The following TMOD3 variants were observed in gnomAD, a reference collection of about 807,000 sequenced individuals.
TMOD3 encodes the protein tropomodulin 3, also known as tropomodulin-3.
TMOD3 carries 20 observed loss-of-function variants against 39.2 expected under a neutral mutation model. That is an observed-to-expected ratio of 0.51 (90% confidence interval 0.36 to 0.74). The LOEUF (loss-of-function observed/expected upper bound fraction) is 0.74. Among genes scored for constraint, TMOD3 ranks in the 30% least tolerant of loss-of-function variants. TMOD3 has a pLI of 0.00. For missense variants in TMOD3, 381 were observed against 412.8 expected, an observed-to-expected ratio of 0.92 and a Z score of 0.67; for synonymous variants, 143 against 145.8, an observed-to-expected ratio of 0.98 and a Z score of 0.14.
Position 51,915,394 on chromosome 15 carries a change from G to A in TMOD3, c.*6584G>A, listed in dbSNP as rs955492776. On this transcript the variant is annotated 3_prime_UTR_variant, in exon 10 of 10. Coordinates refer to ENST00000308580, the MANE Select transcript of TMOD3 (RefSeq NM_014547.5). ...ATGTCTTTTTTTCAGTTTTTTGGAT[G>A]AATTATTATATTTGGTTTTAGTTAC... The A allele has an allele frequency of 3.3e-5, 5 of 151,808 alleles. No individual in the cohort carries two copies. The highest frequency in any genetic ancestry group is 1.2e-4 in the African/African-American group (5 of 41,296). 9.4% of individuals were successfully genotyped at this position (151,808 alleles called of 1,614,324 possible).
chr15:51,897,597 GCCTCAGCCT>G (rs1334991657), intron 7 of TMOD3, among the ~76,000 whole-genome samples: 1 of 146,050 alleles, frequency 6.8e-6, no homozygotes, highest in African/African-American at 2.5e-5. Flanking sequence ...CGATTCTCCT[GCCTCAGCCT>G]CCTGAGTAGC....
At chr15:51,883,644 C>T (rs919925645) in intron 3 of TMOD3, among the ~76,000 whole-genome samples, 1 of 152,078 alleles carries the variant, frequency 6.6e-6, no homozygotes, top group Non-Finnish European at 1.5e-5. Context: ...TGCTGTCAAC[C>T]TTGGCTGCTA....
intron 3 of TMOD3, among the ~76,000 whole-genome samples, chr15:51,881,496 A>T (rs907030141): frequency 8.1e-5 from 12 of 148,694 alleles, no homozygotes; most frequent in Non-Finnish European, 1.8e-4. Context: ...TTGGTGGCAT[A>T]TCTAAAAACC....
intron 1 of TMOD3, chr15:51,858,422 T>C (rs2043532617): frequency 8.0e-6 from 1 of 125,210 alleles, no homozygotes; most frequent in Non-Finnish European, 1.8e-5. Flanking sequence ...ATGATAATAA[T>C]TTGCTAAAAA....
intron 1 of TMOD3, among the ~76,000 whole-genome samples, chr15:51,830,458 G>A (rs2056249063): frequency 6.6e-6 from 1 of 152,200 alleles, no homozygotes. Flanking sequence ...GGGGGATGGT[G>A]TGTTTCCTCC....
intron 6 of TMOD3, among the ~76,000 whole-genome samples, 163 bp from the exon 7 acceptor site, chr15:51,896,256 T>C (rs919186942): frequency 6.6e-6 from 1 of 152,226 alleles, no homozygotes; most frequent in Non-Finnish European, 1.5e-5. Flanking sequence ...CAGATAATTA[T>C]GGAGGAAGCT....
chr15:51,904,628 C>T (rs528093019), intron 9 of TMOD3, among the ~76,000 whole-genome samples: 9 of 152,276 alleles, frequency 5.9e-5, no homozygotes, highest in Non-Finnish European at 8.8e-5. Flanking sequence ...TGTCTATAAA[C>T]GTCACGGCAG....
chr15:51,869,290 A>G lies in TMOD3; in HGVS notation c.200A>G (p.Glu67Gly), dbSNP rs147854683. The change falls in exon 3 of 10, where the codon GAG becomes GGG. Residue 67 changes from glutamate to glycine, a missense_variant. Coordinates refer to ENST00000308580, the MANE Select transcript of TMOD3 (RefSeq NM_014547.5). ...TCCACCACAGGGCCATTTGATAGAGAGCATCTCCTTTCATATCTGGAGAAA... is the reference window on the plus strand; with the variant it reads ...TCCACCACAGGGCCATTTGATAGAGGGCATCTCCTTTCATATCTGGAGAAA... ...SKSTTGPFDR[E>G]HLLSYLEKEA... 153 of 1,614,200 alleles carry G rather than the reference A, an allele frequency of 9.5e-5. No homozygotes were observed. The African/African-American group carries it at 1.9e-3, about 20-fold the overall frequency.
intron 3 of TMOD3, among the ~76,000 whole-genome samples, chr15:51,875,572 A>T (rs572084671): frequency 1.3e-5 from 2 of 149,978 alleles, no homozygotes; most frequent in Non-Finnish European, 3.0e-5. Context: ...CCTTTCCTCC[A>T]GCATTTCTCC....
At chr15:51,881,470 T>C (rs558629394) in intron 3 of TMOD3, among the ~76,000 whole-genome samples, 26 of 152,120 alleles carry the variant, frequency 1.7e-4, no homozygotes, top group Non-Finnish European at 3.7e-4. Flanking sequence ...CTGTGTTTCT[T>C]TTGTTACTTA....
intron 1 of TMOD3, among the ~76,000 whole-genome samples, chr15:51,831,341 CT>C (rs969474281): frequency 6.6e-6 from 1 of 152,136 alleles, no homozygotes; most frequent in Non-Finnish European, 1.5e-5. Flanking sequence ...TTTTTCGTGT[CT>C]TAATTACTGG....
At chr15:51,860,219 T>C (rs2056410163) in intron 1 of TMOD3, 1 of 489,684 alleles carries the variant, frequency 2.0e-6, no homozygotes, top group Non-Finnish European at 4.0e-6. Flanking sequence ...AAATTTCTAT[T>C]TGTAGACCTT....
chr15:51,867,516 G>T (rs1032130615), intron 2 of TMOD3, among the ~76,000 whole-genome samples: 1 of 152,208 alleles, frequency 6.6e-6, no homozygotes, highest in Non-Finnish European at 1.5e-5. Context: ...TAACACAGAA[G>T]TGAATTTTAT....
At chr15:51,906,849 C>T (rs932474992) in intron 9 of TMOD3, among the ~76,000 whole-genome samples, 1 of 151,986 alleles carries the variant, frequency 6.6e-6, no homozygotes, top group Admixed American at 6.6e-5. Context: ...GAAACCCCGT[C>T]TCTACTTTAA....
intron 7 of TMOD3, among the ~76,000 whole-genome samples, chr15:51,898,208 C>T (rs1221236484): frequency 2.0e-5 from 3 of 152,216 alleles, no homozygotes; most frequent in South Asian, 2.1e-4. Context: ...ATACAGCCTT[C>T]TTCAGCATGC....
At chr15:51,860,712 G>T in intron 1 of TMOD3, 1 of 413,482 alleles carries the variant, frequency 2.4e-6, no homozygotes, top group South Asian at 1.8e-5. Context: ...GAGGCGGGTG[G>T]ATCACCTGAG....
intron 1 of TMOD3, chr15:51,859,444 T>C (rs529014005): frequency 3.0e-6 from 2 of 663,168 alleles, no homozygotes; most frequent in African/African-American, 3.6e-5. Flanking sequence ...ATCATTTTCC[T>C]GAAAAAGTCA....
chr15:51,864,035 G>A (rs971545106), intron 2 of TMOD3, among the ~76,000 whole-genome samples: 24 of 152,178 alleles, frequency 1.6e-4, no homozygotes, highest in Middle Eastern at 3.4e-3. Flanking sequence ...GGAGGCCGAG[G>A]CGGGTGGATC....
At chr15:51,908,299 C>T (rs896851057) in intron 9 of TMOD3, among the ~76,000 whole-genome samples, 6 of 152,162 alleles carry the variant, frequency 3.9e-5, no homozygotes, top group African/African-American at 1.4e-4. Flanking sequence ...TTGGGCTGGA[C>T]GCAGTGGCTC....
Sources: allele counts gnomAD v4.1 joint callset (sites outside exome capture counted in the v4.1 genomes callset), GRCh38; gene constraint gnomAD v4.1.1; transcripts MANE v1.5; gene names NCBI Gene and HGNC (gene_info 2026-07-23, HGNC 2026-07-21).